PCDH9: variants seen among roughly 807,000 people sequenced by gnomAD.
PCDH9 encodes the protein protocadherin 9, also known as protocadherin-9.
A neutral mutation model predicts 70.6 loss-of-function variants in PCDH9; 24 were observed. That is an observed-to-expected ratio of 0.34 (90% confidence interval 0.25 to 0.48). The LOEUF is 0.48. Ranked by LOEUF, PCDH9 falls within the 20% of genes least tolerant of loss-of-function variation. PCDH9 has a pLI of 0.99. For synonymous variants in PCDH9, 562 were observed against 558.5 expected (o/e 1.01, Z -0.09); for missense variants, 1,281 against 1,503.6 (o/e 0.85, Z 2.45).
At chr13:67,168,727 C>T (rs2088193899) in intron 2 of PCDH9, among the ~76,000 whole-genome samples, 1 of 152,138 alleles carries the variant, frequency 6.6e-6, no homozygotes, top group Non-Finnish European at 1.5e-5. Flanking sequence ...AGAGCAAGAT[C>T]CTGGCTCCAA....
At chr13:67,032,119 T>C (rs1204988342) in intron 2 of PCDH9, among the ~76,000 whole-genome samples, 1 of 152,176 alleles carries the variant, frequency 6.6e-6, no homozygotes, top group African/African-American at 2.4e-5. Context: ...ACACAAATTC[T>C]AAATGGCTTT....
chr13:66,343,004 A>G (rs1197686793), intron 4 of PCDH9, among the ~76,000 whole-genome samples: 1 of 152,016 alleles, frequency 6.6e-6, no homozygotes, highest in South Asian at 2.1e-4. Context: ...TTTGGTAAAC[A>G]GAGATCCCTT....
intron 4 of PCDH9, among the ~76,000 whole-genome samples, chr13:66,335,636 T>C (rs1407072284): frequency 1.3e-5 from 2 of 152,050 alleles, no homozygotes; most frequent in African/African-American, 2.4e-5. Context: ...AGCTAATAAG[T>C]GGGCATGAAA....
intron 2 of PCDH9, among the ~76,000 whole-genome samples, chr13:67,197,480 G>C (rs1344681073): frequency 6.6e-6 from 1 of 151,954 alleles, no homozygotes; most frequent in Non-Finnish European, 1.5e-5. Context: ...GTTGCATTGA[G>C]AGCCCAATAA....
chr13:66,374,050 A>C (rs967606993), intron 4 of PCDH9, among the ~76,000 whole-genome samples: 1 of 152,084 alleles, frequency 6.6e-6, no homozygotes, highest in African/African-American at 2.4e-5. Context: ...TGCTAGGTTA[A>C]TTGCTGCAGG....
Position 67,133,064 on chromosome 13 carries a change from C to T in PCDH9, c.3036+92341G>A, listed in dbSNP as rs866607547. On this transcript the variant is annotated intron_variant, in intron 2 of 4. Coordinates refer to ENST00000377865, the MANE Select transcript of PCDH9 (RefSeq NM_203487.3). Reference sequence around the variant, plus strand: ...ACCCAAATCATGAGAAGCAAGACTTCAAACAGCACTTTGCCACTCCTAGAC... The same window carrying T: ...ACCCAAATCATGAGAAGCAAGACTTTAAACAGCACTTTGCCACTCCTAGAC... 3.3e-5 allele frequency among the ~76,000 whole-genome samples: 5 copies of T among 152,240 alleles called. 1 individual carries two copies. The highest frequency in any genetic ancestry group is 4.1e-4 in the South Asian group (2 of 4,830).
At chr13:66,610,756 C>T (rs1018137143) in intron 4 of PCDH9, among the ~76,000 whole-genome samples, 4 of 152,214 alleles carry the variant, frequency 2.6e-5, no homozygotes, top group Middle Eastern at 3.4e-3. Context: ...TTTCATGTTA[C>T]GTAAAAATAT....
At chr13:66,689,163 G>T (rs12050030) in intron 3 of PCDH9, among the ~76,000 whole-genome samples, 48,673 of 151,840 alleles carry the variant, frequency 0.32, 8,530 homozygotes, top group East Asian at 0.51. Flanking sequence ...TAATTTTAAT[G>T]TATAAGATGA....
At position 66,899,033 on chromosome 13, in the gene PCDH9, G is replaced by A. The variant is rs570367452; in HGVS notation, c.3138+4471C>T. The stretch of plus-strand genomic sequence containing the variant: ...GACACATAATAATAGTTTAATACAT[G>A]GGAGTTCTCCTCTCACGCACCCCTC... On this transcript the variant is annotated intron_variant, in intron 3 of 4. Coordinates refer to ENST00000377865, the MANE Select transcript of PCDH9 (RefSeq NM_203487.3). 2.6e-5 allele frequency among the ~76,000 whole-genome samples: 4 copies of A among 152,030 alleles called. No homozygotes were observed. In the East Asian group the frequency reaches 7.7e-4, roughly 29 times the overall value.
chr13:67,019,188 CTTTTTTTTTTT>C (rs60154161), intron 2 of PCDH9, among the ~76,000 whole-genome samples: 3 of 102,728 alleles, frequency 2.9e-5, no homozygotes, highest in Non-Finnish European at 5.5e-5. Flanking sequence ...GGCAGTTGCT[CTTTTTTTTTTT>C]TTTTTTTTTT....
chr13:66,576,714 C>A (rs1394237350), intron 4 of PCDH9, among the ~76,000 whole-genome samples: 1 of 151,990 alleles, frequency 6.6e-6, no homozygotes, highest in East Asian at 1.9e-4. Flanking sequence ...AATTATTTTG[C>A]CACAATCTCA....
intron 2 of PCDH9, among the ~76,000 whole-genome samples, chr13:67,140,725 GA>G (rs769681823): frequency 5.0e-4 from 76 of 152,256 alleles, no homozygotes; most frequent in Non-Finnish European, 9.0e-4. Flanking sequence ...ACCTTCAGGA[GA>G]AATGCTTCTC....
intron 3 of PCDH9, among the ~76,000 whole-genome samples, chr13:66,649,937 G>A (rs2077826572): frequency 6.6e-6 from 1 of 151,160 alleles, no homozygotes; most frequent in Non-Finnish European, 1.5e-5. Context: ...GATATTATTT[G>A]GAAGCCTCAT....
At chr13:66,830,400 T>G (rs909038391) in intron 3 of PCDH9, among the ~76,000 whole-genome samples, 8 of 152,202 alleles carry the variant, frequency 5.3e-5, no homozygotes, top group African/African-American at 1.2e-4. Context: ...ACACTAAATT[T>G]GTTTTCATAA....
chr13:66,875,568 A>T (rs894180641), intron 3 of PCDH9, among the ~76,000 whole-genome samples: 8 of 152,198 alleles, frequency 5.3e-5, no homozygotes, highest in African/African-American at 1.9e-4. Context: ...GGCAGTTTCC[A>T]TTCCAATGTC....
At chr13:67,101,673 G>C (rs2086437709) in intron 2 of PCDH9, among the ~76,000 whole-genome samples, 1 of 152,142 alleles carries the variant, frequency 6.6e-6, no homozygotes, top group South Asian at 2.1e-4. Context: ...TAATATTTCT[G>C]TAACTATCAC....
chr13:66,675,318 G>A (rs868515583), intron 3 of PCDH9, among the ~76,000 whole-genome samples: 4 of 151,956 alleles, frequency 2.6e-5, no homozygotes, highest in Non-Finnish European at 2.9e-5. Flanking sequence ...TTTTTTAATC[G>A]TAAATATCAC....
chr13:67,153,668 T>G (rs1033780452), intron 2 of PCDH9, among the ~76,000 whole-genome samples: 119 of 152,374 alleles, frequency 7.8e-4, no homozygotes, highest in African/African-American at 2.6e-3. Flanking sequence ...ATGGAAGTTA[T>G]ATACTTAAGC....
At chr13:66,508,413 G>A (rs1330337770) in intron 4 of PCDH9, among the ~76,000 whole-genome samples, 2 of 152,082 alleles carry the variant, frequency 1.3e-5, no homozygotes, top group Non-Finnish European at 2.9e-5. Context: ...TATGTTATGT[G>A]GATTTCACTT....
Sources: allele counts gnomAD v4.1 joint callset (sites outside exome capture counted in the v4.1 genomes callset), GRCh38; gene constraint gnomAD v4.1.1; transcripts MANE v1.5; gene names NCBI Gene and HGNC (gene_info 2026-07-23, HGNC 2026-07-21).